Variants in NUP210 observed in about 807,000 individuals in gnomAD.
NUP210 encodes nuclear pore membrane glycoprotein 210.
In NUP210, 151 loss-of-function variants were observed where a neutral mutation model predicts 196.0. That is an observed-to-expected ratio of 0.77 (90% confidence interval 0.67 to 0.88). The LOEUF (loss-of-function observed/expected upper bound fraction) is 0.88, where lower values mean the gene tolerates loss of function less well. Among genes scored for constraint, NUP210 ranks in the 40% least tolerant of loss-of-function variants. The pLI, the probability that NUP210 is intolerant of heterozygous loss-of-function variation, is 0.00. For synonymous variants in NUP210, 1,070 were observed against 1,052.7 expected (o/e 1.02, Z -0.32); for missense variants, 2,314 against 2,493.7 (o/e 0.93, Z 1.53).
chr3:13,374,018 A>G (rs1390759240), intron 11 of NUP210, 145 bp from the exon 12 acceptor site: 7 of 920,458 alleles, frequency 7.6e-6, no homozygotes, highest in Non-Finnish European at 1.0e-5. Context: ...CCATGCACAC[A>G]CTCACCATTC....
Position 13,323,479 on chromosome 3 carries a change from G to C in NUP210, c.4645-47C>G, listed in dbSNP as rs200849982. On this transcript the variant is annotated intron_variant, in intron 33 of 39. Coordinates refer to ENST00000254508, the MANE Select transcript of NUP210 (RefSeq NM_024923.4). This position sits in a 1 kb window ranked among gnomAD's most constrained non-coding sequence, Gnocchi z 4.3. ...CTTCATGGAGCGCCGCCTGTGTCCC[G>C]GTCCATGCTGGGCGTTTCCACAACC... 6.2e-7 allele frequency: 1 copy of C among 1,606,944 alleles called. No homozygotes were observed. The highest frequency in any genetic ancestry group is 1.7e-5 in the Admixed American group (1 of 59,230).
chr3:13,406,853 CACACGGCACA>C (rs1700020604), intron 1 of NUP210, among the ~76,000 whole-genome samples: 1 of 150,960 alleles, frequency 6.6e-6, no homozygotes, highest in African/African-American at 2.4e-5. Context: ...CCCCACCCCC[CACACGGCACA>C]CATGGCAGGT....
intron 8 of NUP210, among the ~76,000 whole-genome samples, chr3:13,378,711 G>A (rs538694840): frequency 3.3e-5 from 5 of 152,340 alleles, no homozygotes; most frequent in East Asian, 1.9e-4. Flanking sequence ...CCTGCCGCCT[G>A]CCTGGCTTGG....
At chr3:13,343,336 T>TGTGGGGGGGGGG in intron 20 of NUP210, 33 bp from the exon 21 acceptor site, 6 of 260,388 alleles carry the variant, frequency 2.3e-5, no homozygotes, top group East Asian at 9.5e-5. Flanking sequence ...GAGGGGTGGG[T>TGTGGGGGGGGGG]GGTGGGTTAC....
Position 13,347,479 on chromosome 3 carries a change from GT to G in NUP210, c.2836-4177del, listed in dbSNP as rs1299480478. The G allele has an allele frequency of 3.6e-6, 1 of 280,786 alleles. No homozygotes were observed. The highest frequency in any genetic ancestry group is 5.4e-6 in the Non-Finnish European group (1 of 185,992). The allele number at this position is 280,786 out of a possible 1,614,324, so 17.4% of individuals were successfully genotyped here. A position where few individuals can be genotyped will look rare whatever the true frequency, so the allele number is the denominator to read the frequency against. ...AACAAAATAAAGGCCCTTACAGAGC[GT>G]TCTGGGGCTGTGTGAGCAAAATTCA... On this transcript the variant is annotated intron_variant, in intron 20 of 39. Coordinates refer to ENST00000254508, the MANE Select transcript of NUP210 (RefSeq NM_024923.4). The surrounding 1 kb of genome is among the most constrained non-coding windows in gnomAD (Gnocchi z 4.7).
chr3:13,403,218 C>T (rs917384257), intron 1 of NUP210, among the ~76,000 whole-genome samples: 1 of 152,214 alleles, frequency 6.6e-6, no homozygotes, highest in Admixed American at 6.5e-5. Context: ...CAAAACATCA[C>T]AAACAGGGTT....
In NUP210 at chr3:13,347,207, G is replaced by C. The variant is rs1697773554; in HGVS notation, c.2836-3904C>G. ...CACAGCTGCGGCTCACAGGAGCTGGGCCCCCCGGCTTCATTCCCTCCTGAA... is the reference window on the plus strand; with the variant it reads ...CACAGCTGCGGCTCACAGGAGCTGGCCCCCCCGGCTTCATTCCCTCCTGAA... On this transcript the variant is annotated intron_variant, in intron 20 of 39. Coordinates refer to ENST00000254508, the MANE Select transcript of NUP210 (RefSeq NM_024923.4). The surrounding 1 kb of genome is among the most constrained non-coding windows in gnomAD (Gnocchi z 4.7). 2 of 985,206 alleles carry C rather than the reference G, an allele frequency of 2.0e-6. No homozygotes were observed. Among genetic ancestry groups the C allele is most frequent in the Non-Finnish European group, 2.4e-6 (2 of 829,892 alleles). The allele number at this position is 985,206 out of a possible 1,614,324, so 61.0% of individuals were successfully genotyped here.
chr3:13,367,473 T>A (rs1559331371), intron 13 of NUP210, among the ~76,000 whole-genome samples: 1 of 152,102 alleles, frequency 6.6e-6, no homozygotes, highest in Non-Finnish European at 1.5e-5. Flanking sequence ...CATGAGTATA[T>A]AATTCACAAT....
intron 3 of NUP210, among the ~76,000 whole-genome samples, chr3:13,396,657 G>A (rs546297212): frequency 6.6e-6 from 1 of 150,450 alleles, no homozygotes; most frequent in African/African-American, 2.5e-5. Context: ...CTACTTGGGA[G>A]GCTGAGGTAG....
Position 13,337,831 on chromosome 3 carries a change from C to T in NUP210, c.3552+6G>A, listed in dbSNP as rs1385318003. ...CCAGGATTCAGAGCCCAGGAGGTCC[C>T]CTCACCTGGGTGCCCGTCCTCATCC... On this transcript the variant is annotated splice_donor_region_variant and intron_variant, in intron 26 of 39. Coordinates refer to ENST00000254508, the MANE Select transcript of NUP210 (RefSeq NM_024923.4). 1.2e-6 allele frequency: 2 copies of T among 1,607,604 alleles called. No individual in the cohort carries two copies. Among genetic ancestry groups the T allele is most frequent in the Admixed American group, 1.7e-5 (1 of 59,634 alleles).
chr3:13,388,449 G>A lies in NUP210; in HGVS notation c.538C>T (p.Leu180Phe). Reference sequence around the variant, plus strand: ...ATGTACGTAGACTCCAAGAAAGTGAGGATTCTGGAAAAGGAGCACGTTGTC... The same window carrying A: ...ATGTACGTAGACTCCAAGAAAGTGAAGATTCTGGAAAAGGAGCACGTTGTC... Reference protein sequence around the residue: ...FSDSHNALRILTFLESTYIPP... With the variant: ...FSDSHNALRIFTFLESTYIPP... The change falls in exon 5 of 40, where the codon CTC (leucine) becomes TTC (phenylalanine). Residue 180 changes from leucine (L) to phenylalanine (F), a missense_variant. Physicochemically the swap from Leu to Phe is conservative, Grantham distance 22. Transcript: ENST00000254508. The A allele has an allele frequency of 6.3e-7, 1 of 1,589,272 alleles. No individual in the cohort carries two copies. Among genetic ancestry groups the A allele is most frequent in the Non-Finnish European group, 8.5e-7 (1 of 1,171,800 alleles).
chr3:13,353,873 T>C lies in NUP210; in HGVS notation c.2521+42A>G, dbSNP rs745312847. 9 of 1,565,130 alleles carry C rather than the reference T, an allele frequency of 5.8e-6. No homozygotes were observed. The East Asian group carries it at 2.0e-4, about 35-fold the overall frequency. ...ACCTTGGCAGGCTTCCTGTCTGGTC[T>C]CTGTTCTCCTGCCTGGGCCATCAGG... On this transcript the variant is annotated intron_variant, in intron 17 of 39. Transcript: ENST00000254508.
chr3:13,411,837 T>A (rs1448272187), intron 1 of NUP210, among the ~76,000 whole-genome samples: 2 of 152,046 alleles, frequency 1.3e-5, no homozygotes, highest in Non-Finnish European at 2.9e-5. Context: ...GCCTCCCGGG[T>A]TCAAGCAATT....
chr3:13,420,016 C>T lies in NUP210; in HGVS notation c.167+44G>A, dbSNP rs757074871. On this transcript the variant is annotated intron_variant, in intron 1 of 39. Coordinates refer to ENST00000254508, the MANE Select transcript of NUP210 (RefSeq NM_024923.4). This position sits in a 1 kb window ranked among gnomAD's most constrained non-coding sequence, Gnocchi z 4.8. The stretch of plus-strand genomic sequence containing the variant: ...CGCCCAGCCTCTCAGCGCGAAGGCC[C>T]AGCCCGGCCCACGGCGCCCGCCCGG... 231 of 1,145,112 alleles carry T rather than the reference C, an allele frequency of 2.0e-4. No individual in the cohort carries two copies. The highest frequency in any genetic ancestry group is 2.3e-4 in the Non-Finnish European group (215 of 929,444). The allele number at this position is 1,145,112 out of a possible 1,614,324, so 70.9% of individuals were successfully genotyped here.
chr3:13,327,469 T>C (rs778761554), intron 31 of NUP210, 32 bp from the exon 32 acceptor site: 8 of 1,519,954 alleles, frequency 5.3e-6, no homozygotes, highest in African/African-American at 1.4e-5. Context: ...GGGCTCTCAG[T>C]CTCGGGAAAG....
Position 13,347,096 on chromosome 3 carries a change from A to G in NUP210, c.2836-3793T>C. On this transcript the variant is annotated intron_variant, in intron 20 of 39. Coordinates refer to ENST00000254508, the MANE Select transcript of NUP210 (RefSeq NM_024923.4). The surrounding 1 kb of genome is among the most constrained non-coding windows in gnomAD (Gnocchi z 4.7). ...CCTGGACACATGTCCTCACCTGAAC[A>G]ATGGCCCCATGACGGGCTGCGCCTC... The G allele has an allele frequency of 1.0e-6, 1 of 985,410 alleles. No individual in the cohort carries two copies. The highest frequency in any genetic ancestry group is 1.2e-6 in the Non-Finnish European group (1 of 829,918). 61.0% of individuals were successfully genotyped at this position (985,410 alleles called of 1,614,324 possible).
chr3:13,336,866 C>A lies in NUP210; in HGVS notation c.3605G>T (p.Gly1202Val), dbSNP rs1170158445. The change falls in exon 27 of 40, where the codon GGC becomes GTC. Residue 1202 changes from glycine to valine, a missense_variant. Gly to Val is a moderately radical substitution (Grantham distance 109). Transcript: ENST00000254508. Reference protein sequence around the residue: ...ITNHQNPFSFGNAVPGLTFHW... With the variant: ...ITNHQNPFSFVNAVPGLTFHW... ...GAAGGTCAGGCCTGGCACGGCATTG[C>A]CAAAGGAGAAAGGGTTCTGGTGGTT... The A allele has an allele frequency of 9.9e-6, 16 of 1,613,754 alleles. No homozygotes were observed. Among genetic ancestry groups the A allele is most frequent in the Non-Finnish European group, 1.3e-5 (15 of 1,179,890 alleles).
At chr3:13,322,038 C>T (rs904536736) in intron 35 of NUP210, among the ~76,000 whole-genome samples, 155 bp downstream of exon 35, 1 of 152,228 alleles carries the variant, frequency 6.6e-6, no homozygotes, top group African/African-American at 2.4e-5. Context: ...GCAGTCCTCC[C>T]AAGTCCCCCT....
rs749273292 is a variant in NUP210 at position 13,340,193 on chromosome 3, C to T, written c.3291+43G>A. 1 of 1,611,946 alleles carries T rather than the reference C, an allele frequency of 6.2e-7. No individual in the cohort carries two copies. Among genetic ancestry groups the T allele is most frequent in the Non-Finnish European group, 8.5e-7 (1 of 1,178,812 alleles). On this transcript the variant is annotated intron_variant, in intron 24 of 39. Transcript: ENST00000254508. This position sits in a 1 kb window ranked among gnomAD's most constrained non-coding sequence, Gnocchi z 4.0. ...CGGCGTGCCTGGAACCAGGTGGTGGCCTGCACTGGGGCTGGAGCAGGACGT... is the reference window on the plus strand; with the variant it reads ...CGGCGTGCCTGGAACCAGGTGGTGGTCTGCACTGGGGCTGGAGCAGGACGT...
Sources: allele counts gnomAD v4.1 joint callset (sites outside exome capture counted in the v4.1 genomes callset), GRCh38; gene constraint gnomAD v4.1.1; non-coding constraint Gnocchi (gnomAD v3.1); transcripts MANE v1.5; gene names NCBI Gene and HGNC (gene_info 2026-07-23, HGNC 2026-07-21).